The following XYLB variants were observed in gnomAD, a reference collection of about 807,000 sequenced individuals.
XYLB encodes the protein xylulokinase, also known as xylulose kinase.
A neutral mutation model predicts 78.7 loss-of-function variants in XYLB; 62 were observed. The ratio of observed to expected loss-of-function variants is 0.79; its 90% CI spans 0.64 to 0.97. The LOEUF (loss-of-function observed/expected upper bound fraction) is 0.97, where lower values mean the gene tolerates loss of function less well. Ranked by LOEUF, XYLB falls within the 50% of genes least tolerant of loss-of-function variation. The pLI is 0.00. For missense variants in XYLB, 687 were observed against 676.8 expected (o/e 1.02, Z -0.17); for synonymous variants, 245 against 247.4 (o/e 0.99, Z 0.09).
At chr3:38,404,260 T>C (rs1157850939) in intron 18 of XYLB, among the ~76,000 whole-genome samples, 1 of 152,228 alleles carries the variant, frequency 6.6e-6, no homozygotes, top group Admixed American at 6.5e-5. Context: ...ATTTTACTCA[T>C]GGGGTCTATT....
chr3:38,365,463 A>AT (rs2125581867), intron 5 of XYLB, 145 bp from the exon 6 acceptor site: 3 of 1,446,472 alleles, frequency 2.1e-6, no homozygotes, highest in East Asian at 4.6e-5. Flanking sequence ...TTACAGCACA[A>AT]AGGGCTGGCC....
chr3:38,358,312 TG>T (rs1559575588), intron 2 of XYLB, among the ~76,000 whole-genome samples: 7 of 21,858 alleles, frequency 3.2e-4, no homozygotes, highest in African/African-American at 9.6e-4. Context: ...TTTTGTTTTG[TG>T]TGTGTGTGTG....
Position 38,365,207 on chromosome 3 carries a change from A to T in XYLB, c.300A>T (p.Gly100=), listed in dbSNP as rs1475627607. ...LALSGAGQQH[G]SIYWKAGAQQ... ...CTTGGGTTTCCCAACAGCAACACGG[A>T]AGTATATACTGGAAGGCTGGAGCCC... The change falls in exon 5 of 19, where the codon GGA becomes GGT. Residue 100 remains glycine (G), a synonymous_variant. Transcript: ENST00000207870. 3 of 1,614,178 alleles carry T rather than the reference A, an allele frequency of 1.9e-6. No homozygotes were observed.
rs550032303 is a variant in XYLB, at chr3:38,364,408, A to C, written c.292-791A>C. On this transcript the variant is annotated intron_variant, in intron 4 of 18. Transcript: ENST00000207870. ...GCCTTTAATACATTCAGCTCTGTGC[A>C]CGCTGCTCCCCCTGGTAATCCAGGG... Among the ~76,000 whole-genome samples, 3 of 151,886 alleles carry C rather than the reference A, an allele frequency of 2.0e-5. No homozygotes were observed. In the South Asian group the frequency reaches 6.2e-4, roughly 32 times the overall value.
At chr3:38,380,930 A>G (rs1256324264) in intron 15 of XYLB, among the ~76,000 whole-genome samples, 1 of 152,224 alleles carries the variant, frequency 6.6e-6, no homozygotes, top group East Asian at 1.9e-4. Context: ...GAGGCCAAAC[A>G]TGGACATACA....
In XYLB at chr3:38,413,975, A is replaced by G. The variant is rs566824286; in HGVS notation, c.*962A>G. 1 of 152,260 alleles carries G rather than the reference A, an allele frequency of 6.6e-6. No individual in the cohort carries two copies. Among genetic ancestry groups the G allele is most frequent in the South Asian group, 2.1e-4 (1 of 4,822 alleles). The allele number at this position is 152,260 out of a possible 1,614,324, so 9.4% of individuals were successfully genotyped here. A position where few individuals can be genotyped will look rare whatever the true frequency, so the allele number is the denominator to read the frequency against. ...CTTTGAGTTTTCTTCCTATATTTGT[A>G]TAGTGAGTTCCTTTTTCCTTCCTCT... On this transcript the variant is annotated 3_prime_UTR_variant, in exon 19 of 19. Coordinates refer to ENST00000207870, the MANE Select transcript of XYLB (RefSeq NM_005108.4).
Position 38,368,166 on chromosome 3 carries a change from CTG to C in XYLB, c.574-17_574-16del, listed in dbSNP as rs1178647927. On this transcript the variant is annotated splice_polypyrimidine_tract_variant and intron_variant, in intron 7 of 18. Coordinates refer to ENST00000207870, the MANE Select transcript of XYLB (RefSeq NM_005108.4). ...GTATGTGGAAGTGAGGCACCTCTCA[CTG>C]TTTCTTTCCTTTACAGAGAATTTCT... 5 of 1,613,206 alleles carry C rather than the reference CTG, an allele frequency of 3.1e-6. No homozygotes were observed. In the South Asian group the frequency reaches 5.5e-5, roughly 18 times the overall value.
In XYLB at chr3:38,368,274, G is replaced by A; in HGVS notation, c.646+17G>A. 1 of 1,613,336 alleles carries A rather than the reference G, an allele frequency of 6.2e-7. No individual in the cohort carries two copies. The highest frequency in any genetic ancestry group is 8.5e-7 in the Non-Finnish European group (1 of 1,179,292). On this transcript the variant is annotated intron_variant, in intron 8 of 18. Transcript: ENST00000207870. ...ACAGTGATGGTGAGCCTCGGGGTAT[G>A]GGGTGGGTGCCTGGGCAGTGTGCAT... is the stretch of plus-strand genomic sequence containing the variant.
At chr3:38,377,697 C>A (rs1264427531) in intron 14 of XYLB, among the ~76,000 whole-genome samples, 1 of 152,066 alleles carries the variant, frequency 6.6e-6, no homozygotes, top group African/African-American at 2.4e-5. Flanking sequence ...TACGCCCCCT[C>A]CCAAAATGCT....
chr3:38,379,800 C>T (rs1707060181), intron 15 of XYLB, among the ~76,000 whole-genome samples: 1 of 152,178 alleles, frequency 6.6e-6, no homozygotes, highest in Non-Finnish European at 1.5e-5. Context: ...GATGTAGTAC[C>T]ACTGTCAAAA....
chr3:38,355,209 A>T (rs1705583711), intron 2 of XYLB, among the ~76,000 whole-genome samples: 1 of 152,228 alleles, frequency 6.6e-6, no homozygotes, highest in Admixed American at 6.5e-5. Context: ...CCAAATGAAC[A>T]AGCTCAGGCT....
chr3:38,424,343 T>C (rs541643664), downstream of XYLB, among the ~76,000 whole-genome samples: 3 of 152,218 alleles, frequency 2.0e-5, no homozygotes, highest in South Asian at 4.1e-4. Flanking sequence ...ATTACAAGGA[T>C]ATGATCCTGG....
At chr3:38,415,225 G>C (rs1415594514), downstream of XYLB, among the ~76,000 whole-genome samples, 1 of 152,222 alleles carries the variant, frequency 6.6e-6, no homozygotes, top group Non-Finnish European at 1.5e-5. Flanking sequence ...AGTATGAACT[G>C]AGGATTTCAT....
At chr3:38,401,186 C>G (rs1206085719) in intron 18 of XYLB, among the ~76,000 whole-genome samples, 2 of 152,028 alleles carry the variant, frequency 1.3e-5, no homozygotes, top group Non-Finnish European at 2.9e-5. Context: ...ATTTTACAGC[C>G]AGGGTCAGAT....
In XYLB at chr3:38,414,943, A is replaced by G. The variant is rs1458320209; in HGVS notation, c.*1930A>G. On this transcript the variant is annotated 3_prime_UTR_variant, in exon 19 of 19. Coordinates refer to ENST00000207870, the MANE Select transcript of XYLB (RefSeq NM_005108.4). ...TAGAGTTAATATTTAAAATTCAAAT[A>G]TTAAAACTCAAATAAACCCCAAAGA... The G allele has an allele frequency of 6.6e-6, 1 of 152,208 alleles. No individual in the cohort carries two copies. The highest frequency in any genetic ancestry group is 1.5e-5 in the Non-Finnish European group (1 of 68,038). 9.4% of individuals were successfully genotyped at this position (152,208 alleles called of 1,614,324 possible).
the XYLB span, among the ~76,000 whole-genome samples, chr3:38,444,488 T>C: frequency 6.6e-6 from 1 of 152,190 alleles, no homozygotes; most frequent in Admixed American, 6.5e-5. Context: ...TTGTGGATTC[T>C]CCTTCAATGA....
chr3:38,351,005 G>A (rs576676305), intron 2 of XYLB, among the ~76,000 whole-genome samples: 8 of 151,318 alleles, frequency 5.3e-5, no homozygotes, highest in South Asian at 2.1e-4. Flanking sequence ...TTAGCTGGAC[G>A]TGGTGGCAGG....
the XYLB span, among the ~76,000 whole-genome samples, chr3:38,436,209 C>T: frequency 2.6e-5 from 4 of 151,814 alleles, no homozygotes; most frequent in African/African-American, 9.7e-5. Flanking sequence ...AGAGAGAAGA[C>T]CCAAATAAAA....
chr3:38,367,999 G>T (rs926091869), intron 7 of XYLB, among the ~76,000 whole-genome samples, 186 bp from the exon 8 acceptor site: 1 of 152,190 alleles, frequency 6.6e-6, no homozygotes, highest in Non-Finnish European at 1.5e-5. Context: ...CTCTCCCGAG[G>T]AGTCTGCTCA....
Sources: allele counts gnomAD v4.1 joint callset (sites outside exome capture counted in the v4.1 genomes callset), GRCh38; gene constraint gnomAD v4.1.1; transcripts MANE v1.5; gene names NCBI Gene and HGNC (gene_info 2026-07-23, HGNC 2026-07-21).